PRKN: variants seen among roughly 807,000 people sequenced by gnomAD.
The protein encoded by PRKN is parkin RBR E3 ubiquitin protein ligase.
A neutral mutation model predicts 59.5 loss-of-function variants in PRKN; 56 were observed. The observed-to-expected ratio is 0.94, with a 90% confidence interval of 0.76 to 1.18. The LOEUF (loss-of-function observed/expected upper bound fraction) is 1.18. Among genes scored for constraint, PRKN ranks in the 50% most tolerant of loss-of-function variants. PRKN has a pLI of 0.00. For synonymous variants in PRKN, 250 were observed against 222.1 expected (o/e 1.13, Z -1.12); for missense variants, 657 against 596.4 (o/e 1.10, Z -1.06).
intron 6 of PRKN, among the ~76,000 whole-genome samples, chr6:161,864,805 C>CAAA (rs1297448233): frequency 6.6e-6 from 1 of 151,572 alleles, no homozygotes; most frequent in African/African-American, 2.4e-5. Flanking sequence ...TACAGTCGCC[C>CAAA]ACCACACCTG....
chr6:162,287,454 G>A (rs915362648), intron 2 of PRKN, among the ~76,000 whole-genome samples: 2 of 152,220 alleles, frequency 1.3e-5, no homozygotes, highest in Non-Finnish European at 2.9e-5. Context: ...TGTGGCCCCA[G>A]ATACTCAGGA....
At chr6:161,721,667 C>T (rs113896538) in intron 7 of PRKN, among the ~76,000 whole-genome samples, 1 of 151,958 alleles carries the variant, frequency 6.6e-6, no homozygotes, top group Non-Finnish European at 1.5e-5. Flanking sequence ...GGCTCTGGGT[C>T]CCCCCCGTGC....
chr6:161,420,841 T>C (rs757885993), intron 9 of PRKN, among the ~76,000 whole-genome samples: 2 of 152,194 alleles, frequency 1.3e-5, no homozygotes, highest in Non-Finnish European at 2.9e-5. Flanking sequence ...TGAAGTTACA[T>C]GTCCAAGGTC....
chr6:162,716,794 A>G (rs979133667), intron 1 of PRKN, among the ~76,000 whole-genome samples: 1 of 151,686 alleles, frequency 6.6e-6, no homozygotes, highest in African/African-American at 2.4e-5. Context: ...GCGCACACAC[A>G]CACACACACA....
chr6:162,452,281 C>T (rs574073415), intron 1 of PRKN, among the ~76,000 whole-genome samples: 2 of 152,150 alleles, frequency 1.3e-5, no homozygotes, highest in Admixed American at 6.5e-5. Flanking sequence ...TGAAATGGTA[C>T]AAGACAGAGA....
At chr6:162,727,417 G>T in intron 1 of PRKN, 1 of 478,788 alleles carries the variant, frequency 2.1e-6, no homozygotes, top group Non-Finnish European at 3.7e-6. Flanking sequence ...CCCCGTCGAG[G>T]CGGTCTTCAT....
chr6:161,829,698 C>A (rs1235561410), intron 6 of PRKN, among the ~76,000 whole-genome samples: 1 of 151,944 alleles, frequency 6.6e-6, no homozygotes, highest in East Asian at 1.9e-4. Flanking sequence ...TGCAGGATGC[C>A]CCGGAGAGCA....
chr6:161,776,725 A>G (rs538633416), intron 7 of PRKN, among the ~76,000 whole-genome samples: 1 of 152,278 alleles, frequency 6.6e-6, no homozygotes, highest in East Asian at 1.9e-4. Flanking sequence ...GGGGTTGAAG[A>G]CCACAGCCTA....
At chr6:161,838,755 G>A (rs908985635) in intron 6 of PRKN, among the ~76,000 whole-genome samples, 8 of 152,210 alleles carry the variant, frequency 5.3e-5, no homozygotes, top group Admixed American at 2.0e-4. Context: ...GCGGCCCTGG[G>A]GAGCGCTGGT....
intron 2 of PRKN, among the ~76,000 whole-genome samples, chr6:162,274,770 T>C (rs1780548079): frequency 6.6e-6 from 1 of 152,114 alleles, no homozygotes; most frequent in Admixed American, 6.5e-5. Context: ...GTTTCTTCAT[T>C]GTCCTTATTA....
intron 6 of PRKN, among the ~76,000 whole-genome samples, chr6:161,900,144 A>G (rs1168574366): frequency 7.0e-6 from 1 of 143,486 alleles, no homozygotes; most frequent in Non-Finnish European, 1.6e-5. Flanking sequence ...TAAAATAAAA[A>G]TATAGATAAT....
intron 7 of PRKN, among the ~76,000 whole-genome samples, chr6:161,733,201 C>G (rs892682445): frequency 2.0e-5 from 3 of 152,022 alleles, no homozygotes; most frequent in Non-Finnish European, 4.4e-5. Flanking sequence ...TAATTTAGGA[C>G]AATATGGATT....
intron 7 of PRKN, among the ~76,000 whole-genome samples, chr6:161,710,853 C>CT (rs1786712833): frequency 1.8e-5 from 1 of 54,060 alleles, no homozygotes; most frequent in Non-Finnish European, 4.4e-5. Flanking sequence ...TCCTTCTTCC[C>CT]TTCCCTTCCC....
chr6:161,483,440 G>A lies in PRKN; in HGVS notation c.1083+65414C>T, dbSNP rs139804012. 8.5e-5 allele frequency among the ~76,000 whole-genome samples: 13 copies of A among 152,230 alleles called. No individual in the cohort carries two copies. The highest frequency in any genetic ancestry group is 1.6e-4 in the Non-Finnish European group (11 of 68,010). On this transcript the variant is annotated intron_variant, in intron 9 of 11. Coordinates refer to ENST00000366898, the MANE Select transcript of PRKN (RefSeq NM_004562.3). The surrounding 1 kb of genome is among the most constrained non-coding windows in gnomAD (Gnocchi z 5.0). Reference sequence around the variant, plus strand: ...AGTGCTAATTAGCCCCAGGATGCTTGCCTTCATGAACTTTCAGGCCTCATC... The same window carrying A: ...AGTGCTAATTAGCCCCAGGATGCTTACCTTCATGAACTTTCAGGCCTCATC...
At chr6:162,084,562 A>G (rs1045664661) in intron 4 of PRKN, among the ~76,000 whole-genome samples, 7 of 152,162 alleles carry the variant, frequency 4.6e-5, no homozygotes, top group African/African-American at 1.7e-4. Flanking sequence ...ATCATAATAC[A>G]TTTATGAATG....
chr6:162,059,264 C>A (rs1265372365), intron 4 of PRKN, among the ~76,000 whole-genome samples: 1 of 152,120 alleles, frequency 6.6e-6, no homozygotes, highest in Admixed American at 6.5e-5. Flanking sequence ...CAAACCATAA[C>A]ACAATGGTGT....
intron 5 of PRKN, among the ~76,000 whole-genome samples, chr6:162,021,055 A>C (rs188482024): frequency 6.8e-6 from 1 of 146,662 alleles, no homozygotes; most frequent in African/African-American, 2.5e-5. Flanking sequence ...GTGAGTCGAG[A>C]TCATACCACT....
intron 2 of PRKN, among the ~76,000 whole-genome samples, chr6:162,384,796 T>C (rs1786710499): frequency 6.6e-6 from 1 of 152,136 alleles, no homozygotes; most frequent in Non-Finnish European, 1.5e-5. Flanking sequence ...CGGGTATTAC[T>C]TTTTCCTATT....
intron 2 of PRKN, among the ~76,000 whole-genome samples, chr6:162,398,609 T>G (rs530061744): frequency 6.6e-6 from 1 of 152,218 alleles, no homozygotes; most frequent in African/African-American, 2.4e-5. Context: ...AGGCTGGTTT[T>G]GAATTCCTGA....
Sources: allele counts gnomAD v4.1 joint callset (sites outside exome capture counted in the v4.1 genomes callset), GRCh38; gene constraint gnomAD v4.1.1; non-coding constraint Gnocchi (gnomAD v3.1); transcripts MANE v1.5; gene names NCBI Gene and HGNC (gene_info 2026-07-23, HGNC 2026-07-21).